DAB2IP: variants seen among roughly 807,000 people sequenced by gnomAD.
The protein encoded by DAB2IP is disabled homolog 2-interacting protein.
A neutral mutation model predicts 107.2 loss-of-function variants in DAB2IP; 28 were observed. That is an observed-to-expected ratio of 0.26 (90% CI 0.19 to 0.36). The LOEUF is 0.36. DAB2IP is among the 10% of genes least tolerant of loss of function. DAB2IP has a pLI of 1.00. For synonymous variants in DAB2IP, 755 were observed against 706.4 expected (o/e 1.07, Z -1.09); for missense variants, 1,400 against 1,644.7 (o/e 0.85, Z 2.57).
chr9:121,666,234 C>T (rs1833415863), intron 1 of DAB2IP, among the ~76,000 whole-genome samples: 1 of 152,170 alleles, frequency 6.6e-6, no homozygotes, highest in Non-Finnish European at 1.5e-5. Flanking sequence ...CTTGTAAAGA[C>T]CCTTGTGATT....
intron 8 of DAB2IP, 143 bp downstream of exon 8, chr9:121,764,022 C>T: frequency 8.5e-7 from 1 of 1,179,412 alleles, no homozygotes; most frequent in South Asian, 1.6e-5. Flanking sequence ...CTTTTGAGCT[C>T]TCAGGTGGGG....
intron 1 of DAB2IP, among the ~76,000 whole-genome samples, chr9:121,585,341 T>C (rs1027752493): frequency 1.3e-5 from 2 of 152,070 alleles, no homozygotes; most frequent in East Asian, 3.8e-4. Context: ...TAGATAGATT[T>C]GTGATTTGAG....
chr9:121,609,322 A>G (rs1046419283), intron 1 of DAB2IP, among the ~76,000 whole-genome samples: 1 of 152,158 alleles, frequency 6.6e-6, no homozygotes, highest in Non-Finnish European at 1.5e-5. Flanking sequence ...AGTGACAGGG[A>G]GGAGGTAGTG....
chr9:121,715,706 C>T lies in DAB2IP; in HGVS notation c.362+16248C>T, dbSNP rs377622282. ...AATGCCAGGTCAACTAGTGACTCCT[C>T]TTTCAAAAGGCTCTGTAAATAACAC... On this transcript the variant is annotated intron_variant, in intron 3 of 15. Transcript: ENST00000408936. Among the ~76,000 whole-genome samples, 7 of 152,326 alleles carry T rather than the reference C, an allele frequency of 4.6e-5. No homozygotes were observed. The South Asian group carries it at 8.3e-4, about 18-fold the overall frequency.
In DAB2IP at chr9:121,772,582, C is replaced by T. The variant is rs1004637179; in HGVS notation, c.2079-25C>T. On this transcript the variant is annotated intron_variant, in intron 11 of 15. Transcript: ENST00000408936. This position sits in a 1 kb window ranked among gnomAD's most constrained non-coding sequence, Gnocchi z 4.7. ...ACAGTTCTTCTTTTCCCCTTCTTTC[C>T]CTGTGTGTGCTTGTCTCCCTGCAGT... 5 of 1,592,658 alleles carry T rather than the reference C, an allele frequency of 3.1e-6. No individual in the cohort carries two copies. In the Admixed American group the frequency reaches 5.1e-5, roughly 16 times the overall value.
chr9:121,658,445 A>G (rs565027201), intron 1 of DAB2IP, among the ~76,000 whole-genome samples: 1 of 152,352 alleles, frequency 6.6e-6, no homozygotes, highest in Admixed American at 6.5e-5. Context: ...GAGAATGAGC[A>G]GCCGAGATGC....
chr9:121,587,858 G>A (rs143025092), intron 1 of DAB2IP, among the ~76,000 whole-genome samples: 480 of 152,182 alleles, frequency 3.2e-3, no homozygotes, highest in Non-Finnish European at 5.4e-3. Context: ...GTATAAGTGT[G>A]TCCCAAATAT....
At chr9:121,688,264 T>C (rs570972321) in intron 2 of DAB2IP, among the ~76,000 whole-genome samples, 1 of 152,318 alleles carries the variant, frequency 6.6e-6, no homozygotes, top group East Asian at 1.9e-4. Context: ...CAAGCGGCAA[T>C]TGTTGTTTCC....
At position 121,633,158 on chromosome 9, in the gene DAB2IP, C is replaced by G. The variant is rs1402931313; in HGVS notation, c.41-45520C>G. ...TTCTCAAATTGTGCACTATTAAACTCCTGAAAAATTCATGAGCACGCTGGG... is the reference window on the plus strand; with the variant it reads ...TTCTCAAATTGTGCACTATTAAACTGCTGAAAAATTCATGAGCACGCTGGG... On this transcript the variant is annotated intron_variant, in intron 1 of 16. Transcript: ENST00000259371. This position sits in a 1 kb window ranked among gnomAD's most constrained non-coding sequence, Gnocchi z 5.1. 6.6e-6 allele frequency among the ~76,000 whole-genome samples: 1 copy of G among 152,176 alleles called. No individual in the cohort carries two copies. The highest frequency in any genetic ancestry group is 1.5e-5 in the Non-Finnish European group (1 of 68,034).
chr9:121,735,937 G>A (rs985936272), intron 3 of DAB2IP, among the ~76,000 whole-genome samples: 2 of 152,202 alleles, frequency 1.3e-5, no homozygotes, highest in African/African-American at 4.8e-5. Context: ...GGGAACCTGG[G>A]CAGCTCACAC....
At chr9:121,597,540 G>A (rs1830556038) in intron 1 of DAB2IP, among the ~76,000 whole-genome samples, 1 of 152,130 alleles carries the variant, frequency 6.6e-6, no homozygotes, top group African/African-American at 2.4e-5. Context: ...CTCCTCTCTC[G>A]AATTAGAGGA....
intron 2 of DAB2IP, among the ~76,000 whole-genome samples, chr9:121,692,364 C>T (rs1829207664): frequency 6.6e-6 from 1 of 152,070 alleles, no homozygotes; most frequent in African/African-American, 2.4e-5. Flanking sequence ...CTTACACATA[C>T]ATTTCTTTGT....
chr9:121,722,982 A>G (rs929947906), intron 3 of DAB2IP, among the ~76,000 whole-genome samples: 4 of 152,210 alleles, frequency 2.6e-5, no homozygotes, highest in East Asian at 1.9e-4. Flanking sequence ...TCTGTGGCCA[A>G]TGAAATGATC....
At position 121,782,248 on chromosome 9, in the gene DAB2IP, C is replaced by A; in HGVS notation, c.3403-83C>A. The A allele has an allele frequency of 6.5e-7, 1 of 1,536,036 alleles. No homozygotes were observed. Among genetic ancestry groups the A allele is most frequent in the Non-Finnish European group, 8.8e-7 (1 of 1,136,992 alleles). Reference sequence around the variant, plus strand: ...CTGCCACCCTCATCTCCAGGCCACCCCCTTCCCCGATGCTTGTCGTAGGTA... The same window carrying A: ...CTGCCACCCTCATCTCCAGGCCACCACCTTCCCCGATGCTTGTCGTAGGTA... On this transcript the variant is annotated intron_variant, in intron 15 of 15. Transcript: ENST00000408936. The surrounding 1 kb of genome is among the most constrained non-coding windows in gnomAD (Gnocchi z 6.1).
Position 121,567,769 on chromosome 9 carries a change from C to T in DAB2IP, c.40+541C>T, listed in dbSNP as rs755173664. Among the ~76,000 whole-genome samples, 6 of 152,084 alleles carry T rather than the reference C, an allele frequency of 3.9e-5. No individual in the cohort carries two copies. The East Asian group carries it at 5.8e-4, about 15-fold the overall frequency. On this transcript the variant is annotated intron_variant, in intron 1 of 16. Transcript: ENST00000259371. ...ATGCATTATTGGGGGAAAAGTTGCTCGGGACAGAGCCCATGCAGAGTCTGG... is the reference window on the plus strand; with the variant it reads ...ATGCATTATTGGGGGAAAAGTTGCTTGGGACAGAGCCCATGCAGAGTCTGG...
intron 2 of DAB2IP, among the ~76,000 whole-genome samples, chr9:121,680,337 G>T (rs1589504475): frequency 6.6e-6 from 1 of 152,222 alleles, no homozygotes; most frequent in Non-Finnish European, 1.5e-5. Flanking sequence ...AGTCCACTGG[G>T]CCAGGGCAGG....
chr9:121,585,633 G>A (rs1830296384), intron 1 of DAB2IP, among the ~76,000 whole-genome samples: 1 of 152,196 alleles, frequency 6.6e-6, no homozygotes, highest in Non-Finnish European at 1.5e-5. Context: ...AAGGCAGACA[G>A]ATCGCTTTGA....
At chr9:121,613,439 G>A (rs1307461241) in intron 1 of DAB2IP, among the ~76,000 whole-genome samples, 2 of 152,160 alleles carry the variant, frequency 1.3e-5, no homozygotes, top group Non-Finnish European at 2.9e-5. Flanking sequence ...ATTGAATTGC[G>A]GCAAATAATT....
chr9:121,746,021 G>T (rs1257366672), intron 3 of DAB2IP, among the ~76,000 whole-genome samples: 1 of 152,162 alleles, frequency 6.6e-6, no homozygotes, highest in Admixed American at 6.5e-5. Flanking sequence ...AGGTAAGGGG[G>T]TAGAGCAGGT....
Sources: gnomAD v4.1 joint callset for allele counts (sites outside exome capture counted in the v4.1 genomes callset) on GRCh38, gnomAD v4.1.1 for gene constraint, Gnocchi (gnomAD v3.1) non-coding constraint, MANE v1.5 for transcripts, NCBI Gene and HGNC (gene_info 2026-07-23, HGNC 2026-07-21) for gene names.